RNF217: variants seen among roughly 807,000 people sequenced by gnomAD.
RNF217 encodes ring finger protein 217, also known as E3 ubiquitin-protein ligase RNF217.
Under a neutral mutation model 57.8 loss-of-function variants are expected in RNF217, and 31 were observed. That is an observed-to-expected ratio of 0.54 (90% CI 0.40 to 0.72). The LOEUF is 0.72. Ranked by LOEUF, RNF217 falls within the 30% of genes least tolerant of loss-of-function variation. The pLI, the probability that RNF217 is intolerant of heterozygous loss-of-function variation, is 0.00. For synonymous variants in RNF217, 313 were observed against 294.0 expected, an observed-to-expected ratio of 1.06 and a Z score of -0.66; for missense variants, 696 against 708.3, an observed-to-expected ratio of 0.98 and a Z score of 0.20.
chr6:125,004,864 G>T (rs114525335), intron 1 of RNF217, among the ~76,000 whole-genome samples: 1 of 152,146 alleles, frequency 6.6e-6, no homozygotes, highest in Non-Finnish European at 1.5e-5. Context: ...TAAAGGCCTT[G>T]TCTTAGTCCA....
chr6:124,967,612 C>T (rs553906488), intron 1 of RNF217, among the ~76,000 whole-genome samples: 26 of 152,264 alleles, frequency 1.7e-4, no homozygotes, highest in Admixed American at 7.2e-4. Flanking sequence ...ACAAGCAACA[C>T]ATTTCTTCTA....
intron 2 of RNF217, among the ~76,000 whole-genome samples, chr6:125,051,538 T>C (rs1010816733): frequency 9.9e-5 from 15 of 152,184 alleles, no homozygotes; most frequent in African/African-American, 3.6e-4. Context: ...CCCTCTACAA[T>C]ATGCCTACCA....
chr6:125,081,051 C>A (rs1788555304), intron 4 of RNF217, among the ~76,000 whole-genome samples: 1 of 152,052 alleles, frequency 6.6e-6, no homozygotes, highest in Admixed American at 6.6e-5. Context: ...ACAAGATTTT[C>A]TCCTACCAAC....
intron 1 of RNF217, among the ~76,000 whole-genome samples, chr6:125,039,832 C>G (rs571955566): frequency 3.8e-4 from 58 of 152,248 alleles, no homozygotes; most frequent in African/African-American, 1.3e-3. Context: ...ATTGAACAAC[C>G]TGCTCCTGAA....
At chr6:124,978,363 C>T (rs898784366) in intron 1 of RNF217, among the ~76,000 whole-genome samples, 3 of 151,660 alleles carry the variant, frequency 2.0e-5, no homozygotes, top group Non-Finnish European at 4.4e-5. Flanking sequence ...CTGTGCCCAC[C>T]GTGGCTCTGC....
At chr6:125,013,487 G>T (rs1366202649) in intron 1 of RNF217, among the ~76,000 whole-genome samples, 1 of 151,618 alleles carries the variant, frequency 6.6e-6, no homozygotes, top group African/African-American at 2.4e-5. Context: ...AACATCTAGA[G>T]GGGGAGCTTT....
intron 1 of RNF217, among the ~76,000 whole-genome samples, chr6:125,021,457 G>T (rs2114415189): frequency 6.6e-6 from 1 of 152,016 alleles, no homozygotes; most frequent in East Asian, 1.9e-4. Context: ...AGTAGAGACG[G>T]GGTTTCACCA....
chr6:124,962,899 G>A lies in RNF217; in HGVS notation c.355G>A (p.Glu119Lys). 1 of 1,598,112 alleles carries A rather than the reference G, an allele frequency of 6.3e-7. No individual in the cohort carries two copies. Among genetic ancestry groups the A allele is most frequent in the Non-Finnish European group, 8.5e-7 (1 of 1,179,682 alleles). ...AGAGGAGGAAGCTGGGGATCGAAAA[G>A]AGGGAGGGGATGAACAGCAGGAGGC... ...EEEEEAGDRK[E>K]GGDEQQEAPP... Residue 119 changes from glutamate to lysine, a missense_variant, in exon 1 of 6, where the codon GAG becomes AAG. Glu to Lys is a moderately conservative substitution (Grantham distance 56, BLOSUM62 1). This residue lies in a region of RNF217 where 465 missense variants were observed against 386.8 expected (regional missense o/e 1.20). Coordinates refer to ENST00000521654, the MANE Select transcript of RNF217 (RefSeq NM_001286398.3). This position sits in a 1 kb window ranked among gnomAD's most constrained non-coding sequence, Gnocchi z 4.6.
chr6:124,965,076 C>T lies in RNF217; in HGVS notation c.882+1650C>T, dbSNP rs570157194. ...GCAGTTTTCTTTTTCTTTATTAAAC[C>T]TCATAAGTTAGTTTTAGGAAGTTTT... is the stretch of plus-strand genomic sequence containing the variant. On this transcript the variant is annotated intron_variant, in intron 1 of 5. Coordinates refer to ENST00000521654, the MANE Select transcript of RNF217 (RefSeq NM_001286398.3). 2.6e-5 allele frequency among the ~76,000 whole-genome samples: 4 copies of T among 152,130 alleles called. No homozygotes were observed. In the South Asian group the frequency reaches 8.3e-4, roughly 32 times the overall value.
In RNF217 at chr6:125,061,705, C is replaced by A. The variant is rs116133376; in HGVS notation, c.1281+3599C>A. ...TTTGTTTTACTAAATATGTTATTCTCTTTCTTTGTGGTCAAATACACAAGC... is the reference window on the plus strand; with the variant it reads ...TTTGTTTTACTAAATATGTTATTCTATTTCTTTGTGGTCAAATACACAAGC... On this transcript the variant is annotated intron_variant, in intron 3 of 5. Coordinates refer to ENST00000521654, the MANE Select transcript of RNF217 (RefSeq NM_001286398.3). Among the ~76,000 whole-genome samples, 634 of 151,416 alleles carry A rather than the reference C, an allele frequency of 4.2e-3. 4 individuals are homozygous for A. The highest frequency in any genetic ancestry group is 0.015 in the African/African-American group (605 of 41,382).
intron 1 of RNF217, among the ~76,000 whole-genome samples, chr6:124,978,344 G>C (rs954463298): frequency 6.6e-6 from 1 of 151,746 alleles, no homozygotes; most frequent in Admixed American, 6.6e-5. Flanking sequence ...TTGTGCCCCA[G>C]ACCAGATCCT....
chr6:125,067,025 G>A (rs1787959812), intron 3 of RNF217, among the ~76,000 whole-genome samples: 1 of 152,102 alleles, frequency 6.6e-6, no homozygotes. Flanking sequence ...CATGGCGAAA[G>A]GACTCAACAC....
At chr6:125,043,562 T>A (rs1396073011) in intron 1 of RNF217, among the ~76,000 whole-genome samples, 1 of 152,086 alleles carries the variant, frequency 6.6e-6, no homozygotes, top group African/African-American at 2.4e-5. Context: ...AAACATTTAA[T>A]CATTTTTTAA....
chr6:125,062,786 A>T (rs1428906369), intron 3 of RNF217, among the ~76,000 whole-genome samples: 1 of 152,120 alleles, frequency 6.6e-6, no homozygotes, highest in Admixed American at 6.6e-5. Flanking sequence ...CACGTTGACC[A>T]GCTTATCTCG....
chr6:125,073,412 G>A (rs1788226351), intron 3 of RNF217, among the ~76,000 whole-genome samples: 1 of 152,150 alleles, frequency 6.6e-6, no homozygotes, highest in African/African-American at 2.4e-5. Context: ...CTTAGGCCTT[G>A]TATCTAATTT....
chr6:125,074,551 C>G (rs1459776938), intron 3 of RNF217, among the ~76,000 whole-genome samples: 2 of 152,066 alleles, frequency 1.3e-5, no homozygotes, highest in Non-Finnish European at 2.9e-5. Context: ...GAGTTAGGAA[C>G]TTCAAAAACT....
In RNF217 at chr6:125,082,816, C is replaced by T. The variant is rs56367046; in HGVS notation, c.1556-48C>T. ...ACATAGACATTTTAAAATAGGAAAACCTAAATGCCTCTCATCCTAACTAAC... is the reference window on the plus strand; with the variant it reads ...ACATAGACATTTTAAAATAGGAAAATCTAAATGCCTCTCATCCTAACTAAC... On this transcript the variant is annotated intron_variant, in intron 5 of 5. Transcript: ENST00000521654. 1.8e-3 allele frequency: 2,452 copies of T among 1,388,038 alleles called. 3 individuals carry two copies. The highest frequency in any genetic ancestry group is 2.2e-3 in the Non-Finnish European group (2,128 of 987,300). The allele number at this position is 1,388,038 out of a possible 1,614,324, so 86.0% of individuals were successfully genotyped here. A position where few individuals can be genotyped will look rare whatever the true frequency, so the allele number is the denominator to read the frequency against.
chr6:125,039,502 G>C (rs1786788500), intron 1 of RNF217, among the ~76,000 whole-genome samples: 1 of 152,094 alleles, frequency 6.6e-6, no homozygotes, highest in Admixed American at 6.6e-5. Flanking sequence ...ATAATAATGG[G>C]AGACTTTAAC....
intron 1 of RNF217, among the ~76,000 whole-genome samples, chr6:124,975,350 G>A (rs1783918110): frequency 6.6e-6 from 1 of 152,214 alleles, no homozygotes; most frequent in Admixed American, 6.5e-5. Context: ...GTTCGTCTAA[G>A]TAGAGCTATT....
Sources: allele counts gnomAD v4.1 joint callset (sites outside exome capture counted in the v4.1 genomes callset), GRCh38; gene constraint gnomAD v4.1.1; regional missense constraint gnomAD v4.1.1; non-coding constraint Gnocchi (gnomAD v3.1); transcripts MANE v1.5; gene names NCBI Gene and HGNC (gene_info 2026-07-23, HGNC 2026-07-21).